Variants in AGO2 observed in about 807,000 individuals in gnomAD.
AGO2 encodes the protein argonaute RISC catalytic component 2.
AGO2 carries 5 observed loss-of-function variants against 102.3 expected under a neutral mutation model. The observed-to-expected ratio is 0.05, with a 90% confidence interval of 0.03 to 0.10. AGO2 has a LOEUF of 0.10. Ranked by LOEUF, AGO2 falls within the 10% of genes least tolerant of loss-of-function variation. The pLI, the probability that AGO2 is intolerant of heterozygous loss-of-function variation, is 1.00. For missense variants in AGO2, 541 were observed against 1,183.7 expected (o/e 0.46, Z 7.97); for synonymous variants, 449 against 473.1 (o/e 0.95, Z 0.66).
rs1377905179 is a variant in AGO2 at position 140,522,680 on chromosome 8, G to GAA, written c.*9363_*9364insTT. ...CCAAGCTAGACAAGAGAGAGAGAGA[G>GAA]AGACAGAGACAGAGACAGAGAGAGG... On this transcript the variant is annotated 3_prime_UTR_variant, in exon 19 of 19. Coordinates refer to ENST00000220592, the MANE Select transcript of AGO2 (RefSeq NM_012154.5). 1.2e-3 allele frequency: 112 copies of GAA among 96,728 alleles called. No individual in the cohort carries two copies. Among genetic ancestry groups the GAA allele is most frequent in the African/African-American group, 3.8e-3 (106 of 28,024 alleles). 6.0% of individuals were successfully genotyped at this position (96,728 alleles called of 1,614,324 possible).
chr8:140,634,189 C>G (rs749060117), intron 1 of AGO2, among the ~76,000 whole-genome samples: 61 of 152,256 alleles, frequency 4.0e-4, no homozygotes, highest in Non-Finnish European at 8.8e-5. Flanking sequence ...TGGTCAGACT[C>G]CGCCTTGTTG....
intron 1 of AGO2, among the ~76,000 whole-genome samples, chr8:140,631,018 C>A (rs1055113033): frequency 1.3e-5 from 2 of 152,160 alleles, no homozygotes; most frequent in Non-Finnish European, 2.9e-5. Flanking sequence ...TGTGTAACTG[C>A]ACTCCAGCTT....
At chr8:140,618,032 G>A (rs1285140776) in intron 1 of AGO2, among the ~76,000 whole-genome samples, 1 of 149,648 alleles carries the variant, frequency 6.7e-6, no homozygotes, top group African/African-American at 2.4e-5. Flanking sequence ...GGCCAGGCAT[G>A]GTGGCTCACG....
intron 1 of AGO2, among the ~76,000 whole-genome samples, chr8:140,611,330 G>GTTTT (rs57728629): frequency 6.8e-6 from 1 of 147,846 alleles, no homozygotes. Flanking sequence ...TTAAGCCTTT[G>GTTTT]TTTTTTTTTT....
intron 17 of AGO2, among the ~76,000 whole-genome samples, chr8:140,533,785 C>T (rs188880718): frequency 2.7e-5 from 4 of 150,616 alleles, no homozygotes; most frequent in Non-Finnish European, 4.4e-5. Context: ...CCAGCCTGGG[C>T]GACAGAGTGA....
intron 1 of AGO2, among the ~76,000 whole-genome samples, chr8:140,630,704 T>C (rs1470502575): frequency 6.6e-6 from 1 of 152,196 alleles, no homozygotes; most frequent in Non-Finnish European, 1.5e-5. Flanking sequence ...TTGAAATAAC[T>C]GTAAGAGATA....
chr8:140,607,623 C>T (rs1210904105), intron 1 of AGO2, among the ~76,000 whole-genome samples: 1 of 151,788 alleles, frequency 6.6e-6, no homozygotes, highest in African/African-American at 2.4e-5. Context: ...GAATGGGGCA[C>T]TGGCACCTGC....
In AGO2 at chr8:140,557,154, G is replaced by A. The variant is rs1297380320; in HGVS notation, c.961C>T (p.Arg321Cys). 3.7e-6 allele frequency: 6 copies of A among 1,614,122 alleles called. No homozygotes were observed. The highest frequency in any genetic ancestry group is 1.3e-5 in the African/African-American group (1 of 75,026). ...YFKDRHKLVL[R>C]YPHLPCLQVG... ...TGTAAACATGGGAGGTGGGGGTAGC[G>A]CAGAACCAACTTGTGCCTGTCCTTG... is the stretch of plus-strand genomic sequence containing the variant. The change falls in exon 8 of 19, where the codon CGC (arginine) becomes TGC (cysteine). Residue 321 changes from arginine (R) to cysteine (C), a missense_variant. By Grantham distance (180) the Arg-to-Cys change is radical. Coordinates refer to ENST00000220592, the MANE Select transcript of AGO2 (RefSeq NM_012154.5). This position sits in a 1 kb window ranked among gnomAD's most constrained non-coding sequence, Gnocchi z 5.9.
At chr8:140,553,751 T>C (rs2073046102) in intron 10 of AGO2, among the ~76,000 whole-genome samples, 3 of 150,022 alleles carry the variant, frequency 2.0e-5, no homozygotes, top group African/African-American at 7.4e-5. Context: ...CAGGCTGGAG[T>C]AAAGTGGCAC....
chr8:140,633,110 A>C (rs2074362081), intron 1 of AGO2, among the ~76,000 whole-genome samples: 1 of 152,070 alleles, frequency 6.6e-6, no homozygotes, highest in African/African-American at 2.4e-5. Flanking sequence ...ACGGGGTTTC[A>C]TGATGTTGGC....
At chr8:140,605,955 C>T (rs2073993013) in intron 1 of AGO2, 1 of 152,202 alleles carries the variant, frequency 6.6e-6, no homozygotes, top group Non-Finnish European at 1.5e-5. Context: ...CTTTATTTTC[C>T]GCACTCTGCT....
chr8:140,611,571 G>A (rs936919583), intron 1 of AGO2, among the ~76,000 whole-genome samples: 3 of 151,978 alleles, frequency 2.0e-5, no homozygotes, highest in South Asian at 2.1e-4. Context: ...CAGGTGATCC[G>A]CCCACCTCGG....
chr8:140,549,025 C>A (rs955690038), intron 12 of AGO2, 89 bp downstream of exon 12: 2 of 1,458,830 alleles, frequency 1.4e-6, no homozygotes, highest in South Asian at 1.4e-5. Context: ...TTTCTCAGTG[C>A]AGCAGAAACA....
In AGO2 at chr8:140,596,787, C is replaced by T. The variant is rs56252017; in HGVS notation, c.23-11476G>A. Among the ~76,000 whole-genome samples the T allele has an allele frequency of 5.0e-3, 765 of 152,212 alleles. 7 individuals carry two copies. Among genetic ancestry groups the T allele is most frequent in the Non-Finnish European group, 8.6e-3 (588 of 68,018 alleles). ...GGGTCACCTGCAGGCTGGGAGGAGT[C>T]GGTGGAGCAGCAGGGGAGAGGCAAG... On this transcript the variant is annotated intron_variant, in intron 1 of 18. Coordinates refer to ENST00000220592, the MANE Select transcript of AGO2 (RefSeq NM_012154.5).
At chr8:140,532,203 A>G in intron 18 of AGO2, 51 bp from the exon 19 acceptor site, 1 of 1,527,622 alleles carries the variant, frequency 6.5e-7, no homozygotes, top group Non-Finnish European at 9.0e-7. Flanking sequence ...TTAATGCACG[A>G]TGAGGCAGTG....
intron 1 of AGO2, among the ~76,000 whole-genome samples, chr8:140,597,361 G>A (rs1001949093): frequency 5.3e-5 from 8 of 152,190 alleles, no homozygotes; most frequent in Non-Finnish European, 1.0e-4. Context: ...CGTGGGCAGC[G>A]GTGGCATAAG....
chr8:140,557,042 G>A lies in AGO2; in HGVS notation c.1026+47C>T, dbSNP rs750958440. On this transcript the variant is annotated intron_variant, in intron 8 of 18. Coordinates refer to ENST00000220592, the MANE Select transcript of AGO2 (RefSeq NM_012154.5). This position sits in a 1 kb window ranked among gnomAD's most constrained non-coding sequence, Gnocchi z 5.9. ...GAAGCTGCATGCCCCAGCCTGGGAC[G>A]CCGCCCTCCCAAGCCCCCAGAGACA... 7 of 1,574,188 alleles carry A rather than the reference G, an allele frequency of 4.4e-6. No homozygotes were observed. The highest frequency in any genetic ancestry group is 2.3e-5 in the East Asian group (1 of 44,064).
chr8:140,564,243 A>G (rs567088063), intron 3 of AGO2, among the ~76,000 whole-genome samples: 24 of 152,078 alleles, frequency 1.6e-4, no homozygotes, highest in African/African-American at 5.3e-4. Flanking sequence ...TGAGGAAACC[A>G]ACAGAGGAAA....
At chr8:140,638,962 C>A (rs562091076), upstream of AGO2, among the ~76,000 whole-genome samples, 2 of 152,146 alleles carry the variant, frequency 1.3e-5, no homozygotes, top group Non-Finnish European at 2.9e-5. Flanking sequence ...TAGCTCACTG[C>A]AGCCTCCTGG....
Sources: gnomAD v4.1 joint callset for allele counts (sites outside exome capture counted in the v4.1 genomes callset) on GRCh38, gnomAD v4.1.1 for gene constraint, Gnocchi (gnomAD v3.1) non-coding constraint, MANE v1.5 for transcripts, NCBI Gene and HGNC (gene_info 2026-07-23, HGNC 2026-07-21) for gene names.